The following AMPH variants were observed in gnomAD, a reference collection of about 807,000 sequenced individuals.
AMPH encodes amphiphysin.
Under a neutral mutation model 99.1 loss-of-function variants are expected in AMPH, and 49 were observed. That is an observed-to-expected ratio of 0.49 (90% confidence interval 0.39 to 0.63). The LOEUF is 0.63. Ranked by LOEUF, AMPH falls within the 20% of genes least tolerant of loss-of-function variation. The pLI, the probability that AMPH is intolerant of heterozygous loss-of-function variation, is 0.00. For missense variants in AMPH, 759 were observed against 863.4 expected (o/e 0.88, Z 1.52); for synonymous variants, 314 against 317.3 (o/e 0.99, Z 0.11).
At chr7:38,557,934 G>A (rs7776809) in intron 1 of AMPH, among the ~76,000 whole-genome samples, 39,522 of 151,360 alleles carry the variant, frequency 0.26, 5,393 homozygotes, top group East Asian at 0.44. Context: ...CACACGCTGT[G>A]ACCCCAGCTA....
At chr7:38,488,598 A>G (rs1436475882) in intron 5 of AMPH, among the ~76,000 whole-genome samples, 1 of 152,128 alleles carries the variant, frequency 6.6e-6, no homozygotes, top group Non-Finnish European at 1.5e-5. Context: ...GCGGCAAACC[A>G]CCATGGCACA....
intron 14 of AMPH, chr7:38,427,813 C>T: frequency 4.5e-6 from 2 of 439,584 alleles, no homozygotes; most frequent in Non-Finnish European, 9.2e-6. Flanking sequence ...TTTGGCTAGT[C>T]TATGCTACAG....
In AMPH at chr7:38,571,079, A is replaced by G. The variant is rs1246259637; in HGVS notation, c.70-36068T>C. On this transcript the variant is annotated intron_variant, in intron 1 of 20. Coordinates refer to ENST00000356264, the MANE Select transcript of AMPH (RefSeq NM_001635.4). ...CATATATTGAATATATATAGAATATATATATTCATATATTGAATATATATA... is the reference window on the plus strand; with the variant it reads ...CATATATTGAATATATATAGAATATGTATATTCATATATTGAATATATATA... Among the ~76,000 whole-genome samples, 12 of 48,296 alleles carry G rather than the reference A, an allele frequency of 2.5e-4. 3 individuals carry two copies. The East Asian group carries it at 4.9e-3, about 20-fold the overall frequency. 31.7% of individuals were successfully genotyped at this position (48,296 alleles called of 152,430 possible).
intron 1 of AMPH, among the ~76,000 whole-genome samples, chr7:38,553,437 C>A (rs1336765319): frequency 6.6e-6 from 1 of 152,206 alleles, no homozygotes; most frequent in Non-Finnish European, 1.5e-5. Flanking sequence ...CTGCAGACAA[C>A]CATTTTGTAG....
At chr7:38,517,910 T>C (rs1366316970) in intron 2 of AMPH, among the ~76,000 whole-genome samples, 5 of 152,226 alleles carry the variant, frequency 3.3e-5, no homozygotes, top group Non-Finnish European at 1.5e-5. Context: ...ACAATCATTC[T>C]GAAAATTTTC....
chr7:38,473,795 A>T (rs73120255), intron 7 of AMPH, among the ~76,000 whole-genome samples: 28,531 of 146,946 alleles, frequency 0.19, 3,015 homozygotes, highest in Middle Eastern at 0.24. Flanking sequence ...GTATTTTTTA[A>T]AAAAAAGCCA....
At chr7:38,600,640 T>C (rs529388532) in intron 1 of AMPH, among the ~76,000 whole-genome samples, 26 of 152,340 alleles carry the variant, frequency 1.7e-4, no homozygotes, top group Admixed American at 4.6e-4. Flanking sequence ...ATGGTAATTT[T>C]CTATTGTTCA....
At chr7:38,441,350 A>T (rs1454783391) in intron 11 of AMPH, among the ~76,000 whole-genome samples, 1 of 152,168 alleles carries the variant, frequency 6.6e-6, no homozygotes, top group Non-Finnish European at 1.5e-5. Context: ...GGTATAAAAG[A>T]TTTAGATAAC....
chr7:38,393,072 C>T (rs1784562161), intron 18 of AMPH, among the ~76,000 whole-genome samples: 1 of 152,152 alleles, frequency 6.6e-6, no homozygotes, highest in South Asian at 2.1e-4. Flanking sequence ...CATTCGTCAA[C>T]TTGGAGAGAT....
chr7:38,534,177 A>C (rs1167400009), intron 2 of AMPH, among the ~76,000 whole-genome samples: 2 of 152,096 alleles, frequency 1.3e-5, no homozygotes, highest in Non-Finnish European at 2.9e-5. Context: ...ATACACTAAA[A>C]AGGTTTTCTT....
chr7:38,519,452 T>C (rs1449941815), intron 2 of AMPH, among the ~76,000 whole-genome samples: 7 of 143,724 alleles, frequency 4.9e-5, no homozygotes, highest in Non-Finnish European at 1.1e-4. Flanking sequence ...GGCTCTCTGG[T>C]AAAAATATTA....
At chr7:38,576,543 T>G (rs1028357418) in intron 1 of AMPH, among the ~76,000 whole-genome samples, 1 of 152,142 alleles carries the variant, frequency 6.6e-6, no homozygotes, top group Non-Finnish European at 1.5e-5. Flanking sequence ...AAGTGCTGGT[T>G]TTCAGGAGAA....
In AMPH at chr7:38,432,171, G is replaced by A; in HGVS notation, c.1158+18C>T. The A allele has an allele frequency of 6.2e-7, 1 of 1,608,586 alleles. No homozygotes were observed. Among genetic ancestry groups the A allele is most frequent in the Non-Finnish European group, 8.5e-7 (1 of 1,174,918 alleles). The stretch of plus-strand genomic sequence containing the variant: ...GGGGATCAAGATACATGAAAAAACA[G>A]AGTTATTAGTGGCTTACCGTCCATA... On this transcript the variant is annotated intron_variant, in intron 13 of 20. Transcript: ENST00000356264.
chr7:38,597,400 T>C (rs532903059), intron 1 of AMPH, among the ~76,000 whole-genome samples: 74 of 152,274 alleles, frequency 4.9e-4, no homozygotes, highest in Admixed American at 3.0e-3. Context: ...CAGAAGATCA[T>C]GTATTTGACC....
At chr7:38,407,076 A>ATATGTG (rs1478238678) in intron 17 of AMPH, among the ~76,000 whole-genome samples, 4 of 19,750 alleles carry the variant, frequency 2.0e-4, no homozygotes, top group Non-Finnish European at 3.6e-4. Flanking sequence ...ATATATATAT[A>ATATGTG]TGTGTGTGTG....
rs1785083969 is a variant in AMPH at position 38,407,588 on chromosome 7, A to T, written c.1398+10237T>A. Among the ~76,000 whole-genome samples, 3 of 152,126 alleles carry T rather than the reference A, an allele frequency of 2.0e-5. No individual in the cohort carries two copies. The South Asian group carries it at 6.2e-4, about 32-fold the overall frequency. On this transcript the variant is annotated intron_variant, in intron 17 of 20. Coordinates refer to ENST00000356264, the MANE Select transcript of AMPH (RefSeq NM_001635.4). Reference sequence around the variant, plus strand: ...CAATATAACCATATAATAAACCTGCACATGTACCCTCTGGATCTAAAATAA... The same window carrying T: ...CAATATAACCATATAATAAACCTGCTCATGTACCCTCTGGATCTAAAATAA...
At chr7:38,489,816 A>G (rs1331866492) in intron 5 of AMPH, among the ~76,000 whole-genome samples, 1 of 152,132 alleles carries the variant, frequency 6.6e-6, no homozygotes, top group African/African-American at 2.4e-5. Context: ...GGAAAATGAC[A>G]GTTGCTAATT....
chr7:38,615,074 C>G (rs1793829644), intron 1 of AMPH, among the ~76,000 whole-genome samples: 1 of 152,150 alleles, frequency 6.6e-6, no homozygotes, highest in South Asian at 2.1e-4. Flanking sequence ...CTCAATATTG[C>G]AGAATAACTT....
chr7:38,448,444 C>T (rs1786873482), intron 11 of AMPH, among the ~76,000 whole-genome samples: 1 of 152,126 alleles, frequency 6.6e-6, no homozygotes, highest in African/African-American at 2.4e-5. Flanking sequence ...ATGTTTTTTC[C>T]TATACATACA....
Sources: gnomAD v4.1 joint callset for allele counts (sites outside exome capture counted in the v4.1 genomes callset) on GRCh38, gnomAD v4.1.1 for gene constraint, MANE v1.5 for transcripts, NCBI Gene and HGNC (gene_info 2026-07-23, HGNC 2026-07-21) for gene names.